Variants in ANKRD28 observed in about 807,000 individuals in gnomAD.
ANKRD28 encodes the protein ankyrin repeat domain 28, also known as serine/threonine-protein phosphatase 6 regulatory ankyrin repeat subunit A.
In ANKRD28, 44 loss-of-function variants were observed where a neutral mutation model predicts 126.5. The observed-to-expected ratio is 0.35, with a 90% CI of 0.27 to 0.45. The LOEUF is 0.45. ANKRD28 is among the 20% of genes least tolerant of loss of function. The pLI, the probability that ANKRD28 is intolerant of heterozygous loss-of-function variation, is 1.00. For missense variants in ANKRD28, 1,110 were observed against 1,316.6 expected (o/e 0.84, Z 2.43); for synonymous variants, 442 against 468.5 (o/e 0.94, Z 0.73).
At chr3:15,711,669 CA>C (rs1277579396) in intron 11 of ANKRD28, among the ~76,000 whole-genome samples, 1 of 151,224 alleles carries the variant, frequency 6.6e-6, no homozygotes, top group Non-Finnish European at 1.5e-5. Flanking sequence ...CTTTCTTTAA[CA>C]GGGGATGAAG....
intron 1 of ANKRD28, among the ~76,000 whole-genome samples, chr3:15,856,335 T>C (rs1321987781): frequency 6.6e-6 from 1 of 152,236 alleles, no homozygotes; most frequent in Non-Finnish European, 1.5e-5. Flanking sequence ...AAGCCCAATG[T>C]CAATTACCAT....
upstream of ANKRD28, among the ~76,000 whole-genome samples, chr3:15,801,408 G>A (rs758045232): frequency 6.6e-6 from 1 of 152,046 alleles, no homozygotes; most frequent in Non-Finnish European, 1.5e-5. This position sits in a 1 kb window ranked among gnomAD's most constrained non-coding sequence, Gnocchi z 4.9. Flanking sequence ...TGTGAACTCC[G>A]TATTATCATA....
chr3:15,814,428 AACTT>A lies in ANKRD28; in HGVS notation c.28-19126_28-19123del. 1 of 394,490 alleles carries A rather than the reference AACTT, an allele frequency of 2.5e-6. No individual in the cohort carries two copies. Among genetic ancestry groups the A allele is most frequent in the Non-Finnish European group, 3.9e-6 (1 of 259,242 alleles). 24.4% of individuals were successfully genotyped at this position (394,490 alleles called of 1,614,324 possible). A position where few individuals can be genotyped will look rare whatever the true frequency, so the allele number is the denominator to read the frequency against. ...ATTGAATTATTGGATAATATTCAAA[AACTT>A]ACTTTGGATTTTATTAATTCAGAAT... is the stretch of plus-strand genomic sequence containing the variant. On this transcript the variant is annotated intron_variant, in intron 1 of 27. Transcript: ENST00000399451. This position sits in a 1 kb window ranked among gnomAD's most constrained non-coding sequence, Gnocchi z 4.7.
chr3:15,785,911 A>G (rs1168931392), intron 2 of ANKRD28, among the ~76,000 whole-genome samples: 3 of 152,080 alleles, frequency 2.0e-5, no homozygotes. Flanking sequence ...ATGTAAATGC[A>G]TACTGCTAAG....
In ANKRD28 at chr3:15,775,876, C is replaced by T. The variant is rs139087532; in HGVS notation, c.202-9564G>A. On this transcript the variant is annotated intron_variant, in intron 2 of 27. Coordinates refer to ENST00000683139, the MANE Select transcript of ANKRD28 (RefSeq NM_001349278.2). ...GCATGACTGATTAAATAACTGGCTA[C>T]TGGTGACCAACTCAACATTCAGTCC... Among the ~76,000 whole-genome samples, 16 of 152,258 alleles carry T rather than the reference C, an allele frequency of 1.1e-4. No homozygotes were observed. In the East Asian group the frequency reaches 3.1e-3, roughly 29 times the overall value.
intron 8 of ANKRD28, among the ~76,000 whole-genome samples, chr3:15,718,651 T>C (rs892091638): frequency 2.6e-5 from 4 of 152,110 alleles, no homozygotes; most frequent in African/African-American, 7.2e-5. Flanking sequence ...GGAAGCCCAA[T>C]CTCTACCTTT....
intron 8 of ANKRD28, among the ~76,000 whole-genome samples, chr3:15,716,850 G>A (rs1177321016): frequency 6.6e-6 from 1 of 152,096 alleles, no homozygotes; most frequent in Non-Finnish European, 1.5e-5. Flanking sequence ...TAATTCCAGC[G>A]CTTGGGGAGG....
intron 1 of ANKRD28, among the ~76,000 whole-genome samples, chr3:15,827,075 C>T (rs191224873): frequency 4.6e-5 from 7 of 152,300 alleles, no homozygotes; most frequent in Admixed American, 3.9e-4. Context: ...TATCATCTCA[C>T]ACCTGTTAGA....
chr3:15,721,437 C>T (rs188196341), intron 7 of ANKRD28, among the ~76,000 whole-genome samples: 77 of 152,114 alleles, frequency 5.1e-4, no homozygotes, highest in African/African-American at 1.6e-3. Flanking sequence ...TTTTTAAAGG[C>T]GTTCTAGGTA....
chr3:15,697,579 C>G (rs1353342077), intron 14 of ANKRD28, among the ~76,000 whole-genome samples: 1 of 151,978 alleles, frequency 6.6e-6, no homozygotes, highest in Non-Finnish European at 1.5e-5. Flanking sequence ...GTTGAACCAG[C>G]CTTGCATCCC....
chr3:15,712,039 T>C (rs1006024288), intron 11 of ANKRD28, 101 bp downstream of exon 11: 15 of 888,662 alleles, frequency 1.7e-5, no homozygotes, highest in East Asian at 2.6e-5. Flanking sequence ...TTATCCATAC[T>C]GGACCCATCT....
At chr3:15,788,068 C>G (rs548764019) in intron 2 of ANKRD28, among the ~76,000 whole-genome samples, 73 of 152,078 alleles carry the variant, frequency 4.8e-4, no homozygotes, top group Non-Finnish European at 9.0e-4. Context: ...TAATCTCAGC[C>G]TTCCTATGTT....
At chr3:15,754,013 T>TA (rs1049632900) in intron 3 of ANKRD28, among the ~76,000 whole-genome samples, 21 of 152,006 alleles carry the variant, frequency 1.4e-4, no homozygotes, top group African/African-American at 5.1e-4. Flanking sequence ...AAACAAAAAG[T>TA]AAAAAAGCAG....
intron 3 of ANKRD28, among the ~76,000 whole-genome samples, chr3:15,754,140 A>G (rs931836622): frequency 3.3e-5 from 5 of 152,240 alleles, no homozygotes; most frequent in African/African-American, 1.2e-4. Context: ...TACCCAGTCA[A>G]CCATGGTCTG....
At chr3:15,823,972 C>G (rs1382908452) in intron 1 of ANKRD28, among the ~76,000 whole-genome samples, 1 of 152,074 alleles carries the variant, frequency 6.6e-6, no homozygotes, top group Non-Finnish European at 1.5e-5. Context: ...GTGAAAAACT[C>G]AATGCTTTCT....
chr3:15,844,643 A>C (rs1032786689), intron 1 of ANKRD28, among the ~76,000 whole-genome samples: 6 of 152,312 alleles, frequency 3.9e-5, no homozygotes, highest in African/African-American at 1.4e-4. Context: ...TAATAGTTAA[A>C]ACATAGGAGG....
intron 1 of ANKRD28, among the ~76,000 whole-genome samples, chr3:15,857,869 G>C (rs1007912464): frequency 2.0e-5 from 3 of 152,138 alleles, no homozygotes; most frequent in East Asian, 1.9e-4. Context: ...GGAAAACATC[G>C]ATCAGTCATT....
rs565584750 is a variant in ANKRD28 at position 15,846,041 on chromosome 3, C to T, written c.27+13336G>A. 2.0e-5 allele frequency among the ~76,000 whole-genome samples: 3 copies of T among 152,198 alleles called. No homozygotes were observed. The highest frequency in any genetic ancestry group is 1.3e-4 in the Admixed American group (2 of 15,292). The stretch of plus-strand genomic sequence containing the variant: ...CATATCATTCCACACCTGGCCACTC[C>T]CAAATCTCATGTCCTTTTCACATTT... On this transcript the variant is annotated intron_variant, in intron 1 of 27. Transcript: ENST00000399451. The surrounding 1 kb of genome is among the most constrained non-coding windows in gnomAD (Gnocchi z 5.4).
intron 1 of ANKRD28, among the ~76,000 whole-genome samples, chr3:15,856,698 T>C (rs1340541477): frequency 1.3e-5 from 2 of 152,182 alleles, no homozygotes; most frequent in African/African-American, 2.4e-5. Flanking sequence ...TGAGAGAAAA[T>C]TATCTTATTC....
Sources: gnomAD v4.1 joint callset for allele counts (sites outside exome capture counted in the v4.1 genomes callset) on GRCh38, gnomAD v4.1.1 for gene constraint, Gnocchi (gnomAD v3.1) non-coding constraint, MANE v1.5 for transcripts, NCBI Gene and HGNC (gene_info 2026-07-23, HGNC 2026-07-21) for gene names.